HDGFL3: variants seen among roughly 807,000 people sequenced by gnomAD.
The protein encoded by HDGFL3 is HDGF like 3, also known as hepatoma-derived growth factor-related protein 3.
Under a neutral mutation model 27.6 loss-of-function variants are expected in HDGFL3, and 6 were observed. The ratio of observed to expected loss-of-function variants is 0.22; its 90% CI spans 0.12 to 0.43. HDGFL3 has a LOEUF of 0.43. HDGFL3 is among the 20% of genes least tolerant of loss of function. The probability of loss-of-function intolerance (pLI) is 1.00; values close to 1 mark genes in which losing one functional copy is unlikely to be tolerated. For synonymous variants in HDGFL3, 88 were observed against 88.9 expected, an observed-to-expected ratio of 0.99 and a Z score of 0.05; for missense variants, 207 against 250.1, an observed-to-expected ratio of 0.83 and a Z score of 1.16.
intron 5 of HDGFL3, among the ~76,000 whole-genome samples, chr15:83,146,761 C>A (rs2036901241): frequency 6.6e-6 from 1 of 152,224 alleles, no homozygotes; most frequent in Admixed American, 6.5e-5. Flanking sequence ...TGGTCTCAAG[C>A]AAGCCTTTAG....
At chr15:83,142,909 T>C (rs2036806698) in intron 5 of HDGFL3, among the ~76,000 whole-genome samples, 1 of 152,224 alleles carries the variant, frequency 6.6e-6, no homozygotes, top group Admixed American at 6.5e-5. Flanking sequence ...ATTTAAGTAA[T>C]GGATTTATTA....
chr15:83,163,672 G>A, intron 2 of HDGFL3: 1 of 220,928 alleles, frequency 4.5e-6, no homozygotes, highest in Non-Finnish European at 8.9e-6. Context: ...CTCTGGAAGG[G>A]AAATATATAA....
At chr15:83,123,874 G>C (rs148064311), downstream of HDGFL3, among the ~76,000 whole-genome samples, 11 of 152,342 alleles carry the variant, frequency 7.2e-5, no homozygotes, top group East Asian at 2.1e-3. Flanking sequence ...CCAGGGCCAA[G>C]CAGGCATTGT....
chr15:83,139,641 T>A (rs2036727858), intron 5 of HDGFL3, among the ~76,000 whole-genome samples: 1 of 152,204 alleles, frequency 6.6e-6, no homozygotes, highest in Non-Finnish European at 1.5e-5. Context: ...AGGACATTCT[T>A]CAGAAAGAAA....
intron 1 of HDGFL3, among the ~76,000 whole-genome samples, chr15:83,193,698 C>A (rs2037539005): frequency 6.6e-6 from 1 of 152,200 alleles, no homozygotes; most frequent in Non-Finnish European, 1.5e-5. Context: ...GAAGTTATTG[C>A]CCCTTTCCAT....
intron 1 of HDGFL3, among the ~76,000 whole-genome samples, chr15:83,189,782 G>A (rs62010248): frequency 0.25 from 37,836 of 151,982 alleles, 5,049 homozygotes; most frequent in African/African-American, 0.34. Context: ...GGTAAATATT[G>A]CTTTATTATT....
At chr15:83,163,582 T>C (rs1469341596) in intron 2 of HDGFL3, among the ~76,000 whole-genome samples, 1 of 152,236 alleles carries the variant, frequency 6.6e-6, no homozygotes. Flanking sequence ...AAAGGTGGTA[T>C]ATTTCCTTGA....
chr15:83,207,347 G>T lies in HDGFL3; in HGVS notation c.68C>A (p.Pro23Gln). The change falls in exon 1 of 6, where the codon CCG becomes CAG. Residue 23 changes from proline (P) to glutamine (Q), a missense_variant. Physicochemically the swap from Pro to Gln is moderately conservative, Grantham distance 76. Transcript: ENST00000299633. The surrounding 1 kb of genome is among the most constrained non-coding windows in gnomAD (Gnocchi z 4.8). ...GGTACTCACCCGGGCCGGCCAGTGC[G>T]GGTAGCCCTTCATCTTGGCGAAGAC... is the stretch of plus-strand genomic sequence containing the variant. Reference protein sequence around the residue: ...DLVFAKMKGYPHWPARIDELP... With the variant: ...DLVFAKMKGYQHWPARIDELP... 1 of 1,401,664 alleles carries T rather than the reference G, an allele frequency of 7.1e-7. No individual in the cohort carries two copies. Among genetic ancestry groups the T allele is most frequent in the Non-Finnish European group, 9.3e-7 (1 of 1,072,896 alleles). 86.8% of individuals were successfully genotyped at this position (1,401,664 alleles called of 1,614,324 possible). A position where few individuals can be genotyped will look rare whatever the true frequency, so the allele number is the denominator to read the frequency against.
At chr15:83,175,273 C>T (rs937522124) in intron 1 of HDGFL3, among the ~76,000 whole-genome samples, 1 of 152,184 alleles carries the variant, frequency 6.6e-6, no homozygotes, top group South Asian at 2.1e-4. Context: ...CTTAACATTA[C>T]GTTGGTTCCC....
intron 1 of HDGFL3, among the ~76,000 whole-genome samples, chr15:83,168,313 G>A (rs2037198768): frequency 6.6e-6 from 1 of 151,988 alleles, no homozygotes; most frequent in Non-Finnish European, 1.5e-5. Flanking sequence ...AAATCAGAGT[G>A]GAATTGAACG....
intron 1 of HDGFL3, among the ~76,000 whole-genome samples, chr15:83,195,991 C>T (rs2037566243): frequency 6.6e-6 from 1 of 151,864 alleles, no homozygotes; most frequent in Admixed American, 6.6e-5. Flanking sequence ...TATTTTGACT[C>T]CATCCTGAAG....
At chr15:83,186,487 A>G (rs2037444397) in intron 1 of HDGFL3, among the ~76,000 whole-genome samples, 2 of 152,256 alleles carry the variant, frequency 1.3e-5, no homozygotes, top group Admixed American at 6.5e-5. Context: ...AAAAGAACAT[A>G]GATGTTCAAA....
intron 4 of HDGFL3, among the ~76,000 whole-genome samples, chr15:83,154,876 T>TC (rs1299701931): frequency 3.3e-5 from 5 of 152,144 alleles, no homozygotes; most frequent in Non-Finnish European, 7.3e-5. Context: ...TTCTTTTTTT[T>TC]CCCCCCTTTT....
chr15:83,205,512 T>TC (rs527875398), intron 1 of HDGFL3, among the ~76,000 whole-genome samples: 2 of 152,346 alleles, frequency 1.3e-5, no homozygotes, highest in South Asian at 4.1e-4. Context: ...TAGGACCACT[T>TC]CCGTAGGATT....
chr15:83,122,024 G>A (rs1166717356), intron 3 of HDGFL3: 1 of 1,577,252 alleles, frequency 6.3e-7, no homozygotes, highest in Non-Finnish European at 8.7e-7. Context: ...TTATCTTAAA[G>A]TTCACTTTCC....
chr15:83,144,995 G>A (rs2036861280), intron 5 of HDGFL3: 1 of 155,846 alleles, frequency 6.4e-6, no homozygotes, highest in African/African-American at 2.4e-5. Flanking sequence ...TCTAGATAAG[G>A]GCGCCTGCTC....
At chr15:83,187,610 C>T (rs758164362) in intron 1 of HDGFL3, among the ~76,000 whole-genome samples, 13 of 152,238 alleles carry the variant, frequency 8.5e-5, no homozygotes, top group South Asian at 2.1e-4. Context: ...CTGCAGTGGC[C>T]GGGCGTGGTG....
intron 2 of HDGFL3, among the ~76,000 whole-genome samples, 169 bp from the exon 3 acceptor site, chr15:83,158,210 C>T (rs571630196): frequency 7.9e-5 from 12 of 152,170 alleles, no homozygotes; most frequent in African/African-American, 2.4e-4. Flanking sequence ...ACACATACTT[C>T]AAGGCAGAAA....
exon 4 of HDGFL3, chr15:83,113,036 G>A: frequency 2.7e-6 from 2 of 730,834 alleles, no homozygotes; most frequent in Non-Finnish European, 4.7e-6. Flanking sequence ...GGGTGTTTCA[G>A]GACAATCTGG....
Sources: allele counts gnomAD v4.1 joint callset (sites outside exome capture counted in the v4.1 genomes callset), GRCh38; gene constraint gnomAD v4.1.1; non-coding constraint Gnocchi (gnomAD v3.1); transcripts MANE v1.5; gene names NCBI Gene and HGNC (gene_info 2026-07-23, HGNC 2026-07-21).